Variants in DIAPH3 observed in about 807,000 individuals in gnomAD.
DIAPH3 encodes the protein diaphanous related formin 3.
In DIAPH3, 117 loss-of-function variants were observed where a neutral mutation model predicts 144.3. The ratio of observed to expected loss-of-function variants is 0.81; its 90% CI spans 0.70 to 0.95. DIAPH3 has a LOEUF of 0.95. Ranked by LOEUF, DIAPH3 falls within the 40% of genes least tolerant of loss-of-function variation. DIAPH3 has a pLI of 0.00. For missense variants in DIAPH3, 1,421 were observed against 1,412.7 expected, an observed-to-expected ratio of 1.01 and a Z score of -0.09; for synonymous variants, 519 against 488.9, an observed-to-expected ratio of 1.06 and a Z score of -0.81.
At chr13:59,937,755 A>G (rs1318167510) in intron 17 of DIAPH3, among the ~76,000 whole-genome samples, 1 of 152,196 alleles carries the variant, frequency 6.6e-6, no homozygotes, top group African/African-American at 2.4e-5. Context: ...TTACTTCTAT[A>G]TTTGATGACA....
chr13:60,024,090 G>A (rs9570249), intron 5 of DIAPH3, among the ~76,000 whole-genome samples: 4 of 147,100 alleles, frequency 2.7e-5, no homozygotes, highest in African/African-American at 1.0e-4. Context: ...CCTGACTTCA[G>A]GTGGTCCAGC....
rs759868187 is a variant in DIAPH3, at chr13:59,861,554, G to A, written c.2608-18C>T. Reference sequence around the variant, plus strand: ...TCCTTTAGCTAAATAGAACAGGAGGGAGAAAAAACACAGAGTCATAAGTAT... The same window carrying A: ...TCCTTTAGCTAAATAGAACAGGAGGAAGAAAAAACACAGAGTCATAAGTAT... On this transcript the variant is annotated intron_variant, in intron 21 of 27. Transcript: ENST00000400324. 1.9e-6 allele frequency: 3 copies of A among 1,611,124 alleles called. No homozygotes were observed. Among genetic ancestry groups the A allele is most frequent in the South Asian group, 2.2e-5 (2 of 90,988 alleles).
intron 21 of DIAPH3, among the ~76,000 whole-genome samples, chr13:59,864,479 C>T (rs1052463734): frequency 1.3e-5 from 2 of 151,712 alleles, no homozygotes; most frequent in Non-Finnish European, 2.9e-5. Context: ...AGACAATCAC[C>T]ATCTACCTTC....
At chr13:59,790,068 C>T (rs533473687) in intron 25 of DIAPH3, among the ~76,000 whole-genome samples, 3 of 152,296 alleles carry the variant, frequency 2.0e-5, no homozygotes, top group South Asian at 2.1e-4. Flanking sequence ...CTAAGGACTA[C>T]GTGTCAGGCA....
chr13:60,121,347 C>T (rs532315349), intron 2 of DIAPH3, among the ~76,000 whole-genome samples: 46 of 152,210 alleles, frequency 3.0e-4, no homozygotes, highest in African/African-American at 1.0e-3. Flanking sequence ...ACCAAGACCC[C>T]TTGGTGGTCC....
intron 27 of DIAPH3, among the ~76,000 whole-genome samples, chr13:59,729,808 A>ATTTTTTTTTTTTTTTTT (rs202135165): frequency 8.7e-6 from 1 of 115,210 alleles, no homozygotes; most frequent in African/African-American, 3.5e-5. Context: ...GAATACATTA[A>ATTTTTTTTTTTTTTTTT]TATTTTTTTT....
At chr13:59,720,068 A>G (rs2035260538) in intron 27 of DIAPH3, among the ~76,000 whole-genome samples, 1 of 152,174 alleles carries the variant, frequency 6.6e-6, no homozygotes, top group Admixed American at 6.5e-5. Context: ...TGTCATGGGA[A>G]CATTATAGAC....
chr13:59,779,824 T>C (rs2038643133), intron 25 of DIAPH3, among the ~76,000 whole-genome samples: 1 of 152,138 alleles, frequency 6.6e-6, no homozygotes, highest in African/African-American at 2.4e-5. Flanking sequence ...GAGGGAAGTC[T>C]TTTATAGTGT....
intron 27 of DIAPH3, among the ~76,000 whole-genome samples, chr13:59,677,625 C>T (rs1374093453): frequency 6.6e-6 from 1 of 152,064 alleles, no homozygotes; most frequent in Non-Finnish European, 1.5e-5. Flanking sequence ...AAGAGCCACA[C>T]CTGGCTATTG....
chr13:59,770,328 T>A (rs1166749733), intron 27 of DIAPH3, among the ~76,000 whole-genome samples: 1 of 152,152 alleles, frequency 6.6e-6, no homozygotes, highest in African/African-American at 2.4e-5. Context: ...ATTCAACACA[T>A]TCTTATAAAC....
At chr13:60,114,672 CAA>C (rs1491258736) in intron 2 of DIAPH3, among the ~76,000 whole-genome samples, 29 of 141,924 alleles carry the variant, frequency 2.0e-4, no homozygotes, top group Non-Finnish European at 3.6e-4. Context: ...CACACACACA[CAA>C]ACACACACAC....
intron 27 of DIAPH3, among the ~76,000 whole-genome samples, chr13:59,747,295 A>G (rs987687028): frequency 6.6e-6 from 1 of 152,220 alleles, no homozygotes; most frequent in African/African-American, 2.4e-5. Flanking sequence ...TGACTCTGGC[A>G]TAAATCAAGA....
chr13:59,945,029 C>T (rs2048734061), intron 17 of DIAPH3, among the ~76,000 whole-genome samples: 1 of 152,066 alleles, frequency 6.6e-6, no homozygotes, highest in Non-Finnish European at 1.5e-5. Flanking sequence ...CTTCCTTTGC[C>T]CCTACCACTC....
rs565555939 is a variant in DIAPH3 at position 60,105,138 on chromosome 13, A to T, written c.390+6872T>A. On this transcript the variant is annotated intron_variant, in intron 3 of 27. Coordinates refer to ENST00000400324, the MANE Select transcript of DIAPH3 (RefSeq NM_001042517.2). ...AAAAAAAAAAAAACTGCCAGTGATG[A>T]AAAAGGATTTTCATTCATATATTTG... 1.4e-3 allele frequency among the ~76,000 whole-genome samples: 210 copies of T among 146,258 alleles called. 1 individual carries two copies. Among genetic ancestry groups the T allele is most frequent in the Non-Finnish European group, 2.2e-3 (149 of 66,488 alleles).
At chr13:59,775,901 T>G (rs2038388945) in intron 25 of DIAPH3, among the ~76,000 whole-genome samples, 1 of 152,180 alleles carries the variant, frequency 6.6e-6, no homozygotes, top group Non-Finnish European at 1.5e-5. Flanking sequence ...GTAATACTTA[T>G]AAGTATTTAT....
intron 4 of DIAPH3, among the ~76,000 whole-genome samples, chr13:60,058,379 C>G (rs568705561): frequency 2.6e-5 from 4 of 151,688 alleles, no homozygotes; most frequent in African/African-American, 9.7e-5. Flanking sequence ...TATTAAAAAG[C>G]CAAAAAATAA....
chr13:59,979,554 C>T (rs1193683977), intron 14 of DIAPH3, among the ~76,000 whole-genome samples: 3 of 151,548 alleles, frequency 2.0e-5, no homozygotes, highest in Non-Finnish European at 4.4e-5. Flanking sequence ...AACCTGCAGC[C>T]GAAGGCGTGG....
intron 27 of DIAPH3, among the ~76,000 whole-genome samples, chr13:59,695,723 G>A (rs2033765903): frequency 6.6e-6 from 1 of 152,126 alleles, no homozygotes; most frequent in Non-Finnish European, 1.5e-5. Context: ...ACTAAAACAT[G>A]TACTTAAGAA....
intron 1 of DIAPH3, among the ~76,000 whole-genome samples, chr13:60,143,475 A>G (rs1174253329): frequency 2.0e-5 from 3 of 152,180 alleles, no homozygotes; most frequent in African/African-American, 7.2e-5. Context: ...AGAAAAGACC[A>G]TGGTACACAA....
Sources: allele counts gnomAD v4.1 joint callset (sites outside exome capture counted in the v4.1 genomes callset), GRCh38; gene constraint gnomAD v4.1.1; transcripts MANE v1.5; gene names NCBI Gene and HGNC (gene_info 2026-07-23, HGNC 2026-07-21).